Variants in ADCY4 observed in about 807,000 individuals in gnomAD.
ADCY4 encodes the protein adenylate cyclase type 4.
ADCY4 carries 111 observed loss-of-function variants against 125.5 expected under a neutral mutation model. The observed-to-expected ratio is 0.88, with a 90% CI of 0.76 to 1.04. The LOEUF is 1.04. ADCY4 is among the 50% of genes least tolerant of loss of function. ADCY4 has a pLI of 0.00. For missense variants in ADCY4, 1,256 were observed against 1,382.9 expected (o/e 0.91, Z 1.46); for synonymous variants, 576 against 586.9 (o/e 0.98, Z 0.27).
At chr14:24,329,575 C>T in intron 8 of ADCY4, 42 bp from the exon 9 acceptor site, 1 of 1,502,410 alleles carries the variant, frequency 6.7e-7, no homozygotes, top group Non-Finnish European at 8.9e-7. Flanking sequence ...GGAGGGCCTT[C>T]AAATCTCCTA....
At chr14:24,323,150 G>A (rs985832991) in intron 17 of ADCY4, 62 bp from the exon 18 acceptor site, 21 of 1,567,146 alleles carry the variant, frequency 1.3e-5, no homozygotes, top group Non-Finnish European at 1.6e-5. Context: ...GGACACCTGA[G>A]GGCTCCCTTC....
chr14:24,325,552 G>T (rs1016521018), intron 13 of ADCY4, 78 bp from the exon 14 acceptor site: 2 of 1,314,700 alleles, frequency 1.5e-6, no homozygotes, highest in Non-Finnish European at 2.1e-6. Context: ...CCAGGCAAGG[G>T]GTGGGCTCCT....
Position 24,322,054 on chromosome 14 carries a change from G to A in ADCY4, c.2586+12C>T, listed in dbSNP as rs1481978817. The A allele has an allele frequency of 1.6e-5, 26 of 1,607,584 alleles. No homozygotes were observed. The highest frequency in any genetic ancestry group is 2.0e-5 in the Non-Finnish European group (24 of 1,175,182). ...GCATCCGTGGCTCAGGAGTCAGGGG[G>A]TCAGGAGTCACCTCGTTGCGCCGGT... On this transcript the variant is annotated intron_variant, in intron 20 of 24. Coordinates refer to ENST00000418030, the MANE Select transcript of ADCY4 (RefSeq NM_001198568.2).
Position 24,319,953 on chromosome 14 carries a change from G to C in ADCY4, c.2587-65C>G. ...GTTCCTCTCCCTTCTAGAGGTCTGC[G>C]TGGGGCCCTCCTCCCCATGTCCACA... On this transcript the variant is annotated intron_variant, in intron 20 of 24. Coordinates refer to ENST00000418030, the MANE Select transcript of ADCY4 (RefSeq NM_001198568.2). This position sits in a 1 kb window ranked among gnomAD's most constrained non-coding sequence, Gnocchi z 4.5. The C allele has an allele frequency of 1.3e-6, 2 of 1,565,846 alleles. No individual in the cohort carries two copies. The highest frequency in any genetic ancestry group is 2.2e-5 in the East Asian group (1 of 44,478).
At chr14:24,328,174 G>C (rs917939627) in intron 10 of ADCY4, among the ~76,000 whole-genome samples, 7 of 148,166 alleles carry the variant, frequency 4.7e-5, no homozygotes, top group Middle Eastern at 3.2e-3. Flanking sequence ...ATGGTCCAGC[G>C]GTAGCAAAAG....
In ADCY4 at chr14:24,329,881, A is replaced by T; in HGVS notation, c.1196T>A (p.Met399Lys). The T allele has an allele frequency of 1.2e-6, 2 of 1,613,980 alleles. No homozygotes were observed. Among genetic ancestry groups the T allele is most frequent in the Non-Finnish European group, 1.7e-6 (2 of 1,179,930 alleles). Residue 399 changes from methionine (M) to lysine (K), a missense_variant, in exon 8 of 25, where the codon ATG becomes AAG. Transcript: ENST00000418030. ...WSHDVTLANH[M>K]EAGGVPGRVH... ...TCACCCTGGTACACCGCCTGCCTCC[A>T]TGTGGTTAGCCAGTGTGACATCATG...
At chr14:24,323,923 T>C in intron 16 of ADCY4, 139 bp downstream of exon 16, 2 of 1,264,452 alleles carry the variant, frequency 1.6e-6, no homozygotes, top group Non-Finnish European at 2.1e-6. Context: ...ACTGTAATTT[T>C]TTTCTTTCTA....
chr14:24,322,852 A>C (rs1287256288), intron 18 of ADCY4, 52 bp downstream of exon 18: 1 of 1,549,770 alleles, frequency 6.5e-7, no homozygotes, highest in African/African-American at 1.4e-5. Flanking sequence ...GCTGTATCCC[A>C]TCTCACCCCA....
In ADCY4 at chr14:24,319,620, G is replaced by T; in HGVS notation, c.2733+122C>A. ...GGGTAGATCTGGGGGATCAGAGGAG[G>T]TGAGGGAGTACTGTGGAGGGGAGGA... On this transcript the variant is annotated intron_variant, in intron 21 of 24. Transcript: ENST00000418030. The surrounding 1 kb of genome is among the most constrained non-coding windows in gnomAD (Gnocchi z 4.5). 4.5e-6 allele frequency: 6 copies of T among 1,339,012 alleles called. No individual in the cohort carries two copies. The highest frequency in any genetic ancestry group is 6.3e-6 in the Non-Finnish European group (6 of 950,802). 82.9% of individuals were successfully genotyped at this position (1,339,012 alleles called of 1,614,324 possible).
Position 24,330,155 on chromosome 14 carries a change from C to T in ADCY4, c.1058+13G>A, listed in dbSNP as rs369478608. 31 of 1,611,550 alleles carry T rather than the reference C, an allele frequency of 1.9e-5. No individual in the cohort carries two copies. The East Asian group carries it at 2.9e-4, about 15-fold the overall frequency. On this transcript the variant is annotated intron_variant, in intron 7 of 24. Coordinates refer to ENST00000418030, the MANE Select transcript of ADCY4 (RefSeq NM_001198568.2). ...CACCCTCAGCATTCCTCTTGACCAC[C>T]GCCTGAGCTGACCTGATGGCCCGGC...
intron 4 of ADCY4, 191 bp from the exon 5 acceptor site, chr14:24,331,547 C>T: frequency 1.1e-6 from 1 of 880,976 alleles, no homozygotes; most frequent in South Asian, 1.8e-5. Flanking sequence ...ACTAAACTCC[C>T]AGTATCAACA....
At chr14:24,330,118 G>GC (rs979684821) in intron 7 of ADCY4, 50 bp downstream of exon 7, 17 of 1,601,252 alleles carry the variant, frequency 1.1e-5, no homozygotes, top group Non-Finnish European at 1.4e-5. Flanking sequence ...GCTGCCTGCT[G>GC]CCCCCCACAT....
In ADCY4 at chr14:24,329,544, G is replaced by C; in HGVS notation, c.1218-11C>G. 1 of 1,514,408 alleles carries C rather than the reference G, an allele frequency of 6.6e-7. No homozygotes were observed. Among genetic ancestry groups the C allele is most frequent in the Non-Finnish European group, 8.8e-7 (1 of 1,132,926 alleles). 93.8% of individuals were successfully genotyped at this position (1,514,408 alleles called of 1,614,324 possible). On this transcript the variant is annotated splice_polypyrimidine_tract_variant and intron_variant, in intron 8 of 24. Coordinates refer to ENST00000418030, the MANE Select transcript of ADCY4 (RefSeq NM_001198568.2). ...GTGATGTGCACTCGCCTGGAAGGAG[G>C]GAGGCAGTAGGGGTCAGCAGGGAGG...
At chr14:24,333,203 T>G (rs1438707173) in intron 1 of ADCY4, among the ~76,000 whole-genome samples, 2 of 152,054 alleles carry the variant, frequency 1.3e-5, no homozygotes, top group Non-Finnish European at 2.9e-5. Flanking sequence ...CTCAGCAGTC[T>G]CGTATGGTTT....
chr14:24,325,147 CAA>C (rs1304735282), intron 14 of ADCY4, among the ~76,000 whole-genome samples: 1 of 151,814 alleles, frequency 6.6e-6, no homozygotes, highest in Non-Finnish European at 1.5e-5. Context: ...TTGTTAGAAT[CAA>C]AAGAGATGCT....
intron 23 of ADCY4, 137 bp downstream of exon 23, chr14:24,318,961 T>C (rs2041811765): frequency 7.2e-7 from 1 of 1,391,082 alleles, no homozygotes; most frequent in African/African-American, 1.4e-5. Context: ...GCCCAGCACC[T>C]TCACACCCCA....
chr14:24,331,009 T>C lies in ADCY4; in HGVS notation c.930+9A>G. 6.3e-7 allele frequency: 1 copy of C among 1,589,298 alleles called. No homozygotes were observed. The highest frequency in any genetic ancestry group is 1.1e-5 in the South Asian group (1 of 88,782). ...GGGTCCCTGGGTGGGGAGGGAAGTC[T>C]TCTCTGACCTTGGCAATCTGGTCGA... On this transcript the variant is annotated intron_variant, in intron 6 of 24. Coordinates refer to ENST00000418030, the MANE Select transcript of ADCY4 (RefSeq NM_001198568.2).
Position 24,331,954 on chromosome 14 carries a change from G to T in ADCY4, c.520-17C>A. 1 of 1,542,346 alleles carries T rather than the reference G, an allele frequency of 6.5e-7. No individual in the cohort carries two copies. Among genetic ancestry groups the T allele is most frequent in the Non-Finnish European group, 8.8e-7 (1 of 1,137,150 alleles). ...TGCTGCCAACTGTGGGTGAAGGCCA[G>T]CCTCAGAGGGCGCGGGACCCGGGTG... On this transcript the variant is annotated splice_polypyrimidine_tract_variant and intron_variant, in intron 3 of 24. Transcript: ENST00000418030.
rs879690497 is a variant in ADCY4, at chr14:24,332,416, G to A, written c.519+106C>T. The A allele has an allele frequency of 6.9e-6, 9 of 1,311,272 alleles. No individual in the cohort carries two copies. The Middle Eastern group carries it at 1.1e-3, about 156-fold the overall frequency. The allele number at this position is 1,311,272 out of a possible 1,614,324, so 81.2% of individuals were successfully genotyped here. On this transcript the variant is annotated intron_variant, in intron 3 of 24. Transcript: ENST00000418030. ...AGCACGGTTGGGTATCCTGCGCCCA[G>A]CGTTGCACCTTGACTTGGAGTCACA...
Sources: allele counts gnomAD v4.1 joint callset (sites outside exome capture counted in the v4.1 genomes callset), GRCh38; gene constraint gnomAD v4.1.1; non-coding constraint Gnocchi (gnomAD v3.1); transcripts MANE v1.5; gene names NCBI Gene and HGNC (gene_info 2026-07-23, HGNC 2026-07-21).